Variants in SHLD1 observed in about 807,000 individuals in gnomAD.
The protein encoded by SHLD1 is RINN1-REV7-interacting novel NHEJ regulator 3.
In SHLD1, 3 loss-of-function variants were observed where a neutral mutation model predicts 5.5. The observed-to-expected ratio is 0.54, with a 90% CI of 0.25 to 1.40. SHLD1 has a LOEUF of 1.40. Among genes scored for constraint, SHLD1 ranks in the 40% most tolerant of loss-of-function variants. The pLI is 0.15. For missense variants in SHLD1, 210 were observed against 244.4 expected (o/e 0.86, Z 0.94); for synonymous variants, 92 against 94.3 (o/e 0.98, Z 0.14).
chr20:5,857,967 C>T (rs972862055), intron 2 of SHLD1, among the ~76,000 whole-genome samples: 6 of 151,962 alleles, frequency 3.9e-5, no homozygotes, highest in Admixed American at 6.6e-5. Flanking sequence ...GGCATGGTGG[C>T]GGGTGCCTGT....
At chr20:5,792,877 G>A (rs775134172) in intron 2 of SHLD1, among the ~76,000 whole-genome samples, 3 of 151,862 alleles carry the variant, frequency 2.0e-5, no homozygotes, top group Non-Finnish European at 2.9e-5. Flanking sequence ...GTTTCATCAT[G>A]TTGGCCAGGC....
intron 2 of SHLD1, among the ~76,000 whole-genome samples, chr20:5,844,929 G>A (rs2087914755): frequency 6.6e-6 from 1 of 151,018 alleles, no homozygotes; most frequent in African/African-American, 2.4e-5. Context: ...CGAGTAGCTG[G>A]GACTACAGGT....
intron 1 of SHLD1, among the ~76,000 whole-genome samples, chr20:5,763,136 G>T (rs1042517989): frequency 6.6e-6 from 1 of 151,462 alleles, no homozygotes; most frequent in Non-Finnish European, 1.5e-5. Context: ...CAGAAACCCC[G>T]TCTCTACTAA....
intron 1 of SHLD1, among the ~76,000 whole-genome samples, chr20:5,760,719 A>T (rs922681477): frequency 3.9e-5 from 6 of 151,952 alleles, no homozygotes; most frequent in South Asian, 2.1e-4. Context: ...CAACAAGGTG[A>T]TTATGAAAAA....
intron 2 of SHLD1, among the ~76,000 whole-genome samples, chr20:5,777,170 G>A (rs1412542110): frequency 1.3e-5 from 2 of 152,038 alleles, no homozygotes; most frequent in African/African-American, 4.8e-5. Flanking sequence ...TATATTTTTA[G>A]TAGAGATGAG....
In SHLD1 at chr20:5,786,826, C is replaced by T. The variant is rs550352311; in HGVS notation, c.178+13783C>T. The stretch of plus-strand genomic sequence containing the variant: ...ATTCCCCTTTCCCAGTGCCTCCCAT[C>T]TGCCCCAGTGAATATGGGCAGGGAA... On this transcript the variant is annotated intron_variant, in intron 2 of 2. Coordinates refer to ENST00000303142, the MANE Select transcript of SHLD1 (RefSeq NM_152504.4). Among the ~76,000 whole-genome samples the T allele has an allele frequency of 6.6e-5, 10 of 152,270 alleles. No individual in the cohort carries two copies. The South Asian group carries it at 1.2e-3, about 19-fold the overall frequency.
intron 2 of SHLD1, among the ~76,000 whole-genome samples, chr20:5,824,496 C>T (rs556295884): frequency 1.3e-5 from 2 of 152,286 alleles, no homozygotes; most frequent in African/African-American, 2.4e-5. Context: ...CTTGTTCACT[C>T]CTGTATCTCC....
At chr20:5,781,806 C>G (rs1405736049) in intron 2 of SHLD1, among the ~76,000 whole-genome samples, 1 of 152,170 alleles carries the variant, frequency 6.6e-6, no homozygotes, top group African/African-American at 2.4e-5. Context: ...TTCCTTCCAG[C>G]TCCAATCAAA....
At chr20:5,854,729 C>A (rs1270456652) in intron 2 of SHLD1, among the ~76,000 whole-genome samples, 3 of 152,162 alleles carry the variant, frequency 2.0e-5, no homozygotes, top group Non-Finnish European at 2.9e-5. Flanking sequence ...GTATTAAGTT[C>A]ATTTGTATTG....
intron 2 of SHLD1, among the ~76,000 whole-genome samples, chr20:5,843,037 G>A (rs539131183): frequency 2.6e-5 from 4 of 152,186 alleles, no homozygotes; most frequent in South Asian, 2.1e-4. Context: ...ACTCCCACTC[G>A]GTAAAGGTAG....
chr20:5,795,991 CAA>C (rs74601698), intron 2 of SHLD1, among the ~76,000 whole-genome samples: 2 of 133,582 alleles, frequency 1.5e-5, no homozygotes, highest in Non-Finnish European at 1.6e-5. Context: ...GACTCTGTCT[CAA>C]AAAAAAAAAA....
Position 5,818,733 on chromosome 20 carries a change from G to A in SHLD1, c.179-44291G>A, listed in dbSNP as rs186791127. Among the ~76,000 whole-genome samples the A allele has an allele frequency of 3.3e-5, 5 of 152,340 alleles. No homozygotes were observed. The East Asian group carries it at 9.6e-4, about 29-fold the overall frequency. ...GAGGTGACTGGATTGATCTTGGAAT[G>A]AGGTGATTGATTGGATCTTACAATA... On this transcript the variant is annotated intron_variant, in intron 2 of 2. Transcript: ENST00000303142.
intron 2 of SHLD1, among the ~76,000 whole-genome samples, chr20:5,850,503 T>C (rs924065043): frequency 6.7e-6 from 1 of 149,772 alleles, no homozygotes; most frequent in African/African-American, 2.5e-5. Flanking sequence ...CAGCTTTTTT[T>C]AGTTTTAATT....
chr20:5,818,762 C>T (rs1294704), intron 2 of SHLD1, among the ~76,000 whole-genome samples: 92,235 of 151,982 alleles, frequency 0.61, 30,081 homozygotes, highest in Non-Finnish European at 0.74. Context: ...TACAATAAGG[C>T]GATGATGTTG....
rs564415704 is a variant in SHLD1, at chr20:5,755,704, C to T, written c.-5+5225C>T. 2.0e-4 allele frequency among the ~76,000 whole-genome samples: 31 copies of T among 152,140 alleles called. No homozygotes were observed. In the East Asian group the frequency reaches 5.6e-3, roughly 28 times the overall value. On this transcript the variant is annotated intron_variant, in intron 1 of 2. Coordinates refer to ENST00000303142, the MANE Select transcript of SHLD1 (RefSeq NM_152504.4). ...CCTCCCCAGTAGCTGGGATTACAGG[C>T]ACGCACCACCGCGCCTGGCTAATTT...
intron 2 of SHLD1, among the ~76,000 whole-genome samples, chr20:5,774,021 T>C (rs181759902): frequency 2.1e-3 from 314 of 152,104 alleles, no homozygotes; most frequent in Admixed American, 4.0e-3. Context: ...CTGGCCAACA[T>C]GGTGAAACCC....
chr20:5,802,998 T>A lies in SHLD1; in HGVS notation c.178+29955T>A, dbSNP rs150731826. 2.9e-3 allele frequency among the ~76,000 whole-genome samples: 443 copies of A among 152,340 alleles called. 3 individuals are homozygous for A. Among genetic ancestry groups the A allele is most frequent in the African/African-American group, 0.01 (418 of 41,566 alleles). On this transcript the variant is annotated intron_variant, in intron 2 of 2. Coordinates refer to ENST00000303142, the MANE Select transcript of SHLD1 (RefSeq NM_152504.4). Reference sequence around the variant, plus strand: ...TGCTCTGGCTTCCATCTGGCTTGATTACCAGTCCCGGCCTTCCCTTCTCGC... The same window carrying A: ...TGCTCTGGCTTCCATCTGGCTTGATAACCAGTCCCGGCCTTCCCTTCTCGC...
intron 2 of SHLD1, among the ~76,000 whole-genome samples, chr20:5,804,165 T>A (rs1435552690): frequency 6.6e-6 from 1 of 151,614 alleles, no homozygotes; most frequent in Admixed American, 6.6e-5. Context: ...ACAAAAAAAA[T>A]TAGCTGGGCG....
intron 2 of SHLD1, among the ~76,000 whole-genome samples, chr20:5,831,524 C>T (rs955537820): frequency 2.0e-5 from 3 of 152,172 alleles, no homozygotes; most frequent in African/African-American, 7.2e-5. Context: ...AAAGGCTGTG[C>T]TGTTGCTTAC....
Sources: gnomAD v4.1 joint callset for allele counts (sites outside exome capture counted in the v4.1 genomes callset) on GRCh38, gnomAD v4.1.1 for gene constraint, MANE v1.5 for transcripts, NCBI Gene and HGNC (gene_info 2026-07-23, HGNC 2026-07-21) for gene names.